Variants in BCAM observed in about 807,000 individuals in gnomAD.
BCAM encodes basal cell adhesion molecule (Lutheran blood group), also known as basal cell adhesion molecule.
A neutral mutation model predicts 72.4 loss-of-function variants in BCAM; 61 were observed. That is an observed-to-expected ratio of 0.84 (90% CI 0.69 to 1.04). BCAM has a LOEUF of 1.04. BCAM is among the 50% of genes least tolerant of loss of function. BCAM has a pLI of 0.00. For synonymous variants in BCAM, 408 were observed against 384.2 expected (o/e 1.06, Z -0.73); for missense variants, 909 against 895.0 (o/e 1.02, Z -0.20).
In BCAM at chr19:44,809,168, G is replaced by C; in HGVS notation, c.44G>C (p.Arg15Pro). Residue 15 changes from arginine to proline, a missense_variant, in exon 1 of 15, where the codon CGG becomes CCG. Transcript: ENST00000270233. ...CCGGCCCAGGCGCGCGGGGCCCCGCGGCTGCTGTTGCTCGCAGTCCTGCTG... is the reference window on the plus strand; with the variant it reads ...CCGGCCCAGGCGCGCGGGGCCCCGCCGCTGCTGTTGCTCGCAGTCCTGCTG... Reference protein sequence around the residue: ...DAPAQARGAPRLLLLAVLLAA... With the variant: ...DAPAQARGAPPLLLLAVLLAA... 6.8e-7 allele frequency: 1 copy of C among 1,473,230 alleles called. No individual in the cohort carries two copies. The allele number at this position is 1,473,230 out of a possible 1,614,324, so 91.3% of individuals were successfully genotyped here.
At chr19:44,817,902 G>A (rs1489518372) in intron 8 of BCAM, among the ~76,000 whole-genome samples, 3 of 152,210 alleles carry the variant, frequency 2.0e-5, no homozygotes, top group Non-Finnish European at 4.4e-5. Flanking sequence ...TGGACAAGAG[G>A]GAGGAGCAGG....
At chr19:44,820,225 A>G (rs929535562) in intron 13 of BCAM, 7 of 997,024 alleles carry the variant, frequency 7.0e-6, no homozygotes, top group Non-Finnish European at 8.3e-6. Flanking sequence ...CTTAACTCCA[A>G]TTTATCCTCC....
intron 8 of BCAM, among the ~76,000 whole-genome samples, chr19:44,815,158 C>T (rs767384247): frequency 1.3e-5 from 2 of 152,016 alleles, no homozygotes; most frequent in Non-Finnish European, 2.9e-5. Flanking sequence ...GTCCACCTGG[C>T]CAGTTCCACC....
In BCAM at chr19:44,820,814, G is replaced by A. The variant is rs139845447; in HGVS notation, c.1873G>A (p.Gly625Arg). The part of the protein sequence containing the change: ...GGARGGSGGF[G>R]DEC ...AGCCAGGGGTGGCAGCGGGGGCTTC[G>A]GAGACGAGGTGGGTGAGGGCCTGGG... is the stretch of plus-strand genomic sequence containing the variant. The change falls in exon 14 of 15, where the codon GGA becomes AGA. Residue 625 changes from glycine (G) to arginine (R), a missense_variant. Transcript: ENST00000270233. 96 of 1,512,828 alleles carry A rather than the reference G, an allele frequency of 6.3e-5. No homozygotes were observed. In the African/African-American group the frequency reaches 6.5e-4, roughly 10 times the overall value. The allele number at this position is 1,512,828 out of a possible 1,614,324, so 93.7% of individuals were successfully genotyped here. A position where few individuals can be genotyped will look rare whatever the true frequency, so the allele number is the denominator to read the frequency against.
Position 44,813,112 on chromosome 19 carries a change from A to G in BCAM, c.505-138A>G, listed in dbSNP as rs1968448827. 4.3e-6 allele frequency: 4 copies of G among 920,018 alleles called. No homozygotes were observed. Among genetic ancestry groups the G allele is most frequent in the Non-Finnish European group, 6.5e-6 (4 of 614,790 alleles). 57.0% of individuals were successfully genotyped at this position (920,018 alleles called of 1,614,324 possible). ...CTTTAGTCTGAGTCGGGGACTAGGA[A>G]TTTGGACTCCTGGGTCCTGGGAGAG... On this transcript the variant is annotated intron_variant, in intron 4 of 14. Coordinates refer to ENST00000270233, the MANE Select transcript of BCAM (RefSeq NM_005581.5). The surrounding 1 kb of genome is among the most constrained non-coding windows in gnomAD (Gnocchi z 4.2).
In BCAM at chr19:44,812,348, G is replaced by T. The variant is rs1431115467; in HGVS notation, c.390G>T (p.Gly130=). 1 of 1,613,704 alleles carries T rather than the reference G, an allele frequency of 6.2e-7. No homozygotes were observed. Among genetic ancestry groups the T allele is most frequent in the Non-Finnish European group, 8.5e-7 (1 of 1,179,750 alleles). The change falls in exon 3 of 15, where the codon GGG becomes GGT. Residue 130 remains glycine (G), a synonymous_variant. Transcript: ENST00000270233. This position sits in a 1 kb window ranked among gnomAD's most constrained non-coding sequence, Gnocchi z 5.3. Reference sequence around the variant, plus strand: ...ACTACGTGTGCGTGGTGAGGGCAGGGGCGGCAGGCACTGCTGAGGCCACTG... The same window carrying T: ...ACTACGTGTGCGTGGTGAGGGCAGGTGCGGCAGGCACTGCTGAGGCCACTG... ...ERDYVCVVRA[G]AAGTAEATAR...
At position 44,814,427 on chromosome 19, in the gene BCAM, A is replaced by G; in HGVS notation, c.921+139A>G. On this transcript the variant is annotated intron_variant, in intron 7 of 14. Coordinates refer to ENST00000270233, the MANE Select transcript of BCAM (RefSeq NM_005581.5). This position sits in a 1 kb window ranked among gnomAD's most constrained non-coding sequence, Gnocchi z 4.6. ...CACCTGATCTGGTGGCCCACGAACT[A>G]AAAGGACCTCTGACCCCTGATTTGA... 1 of 1,423,938 alleles carries G rather than the reference A, an allele frequency of 7.0e-7. No homozygotes were observed. Among genetic ancestry groups the G allele is most frequent in the Non-Finnish European group, 9.3e-7 (1 of 1,069,686 alleles). The allele number at this position is 1,423,938 out of a possible 1,614,324, so 88.2% of individuals were successfully genotyped here.
In BCAM at chr19:44,819,209, T is replaced by C. The variant is rs983888151; in HGVS notation, c.1473+17T>C. 8 of 1,613,636 alleles carry C rather than the reference T, an allele frequency of 5.0e-6. No homozygotes were observed. Among genetic ancestry groups the C allele is most frequent in the Non-Finnish European group, 5.9e-6 (7 of 1,179,774 alleles). On this transcript the variant is annotated intron_variant, in intron 11 of 14. Coordinates refer to ENST00000270233, the MANE Select transcript of BCAM (RefSeq NM_005581.5). The stretch of plus-strand genomic sequence containing the variant: ...GGGGGCAGCGTAAGGGACCTTCCTC[T>C]CCACCCTGAGCCCCCTCTCACTCAT...
chr19:44,809,518 C>T (rs1313723982), intron 1 of BCAM, among the ~76,000 whole-genome samples: 1 of 152,136 alleles, frequency 6.6e-6, no homozygotes, highest in East Asian at 1.9e-4. Flanking sequence ...CCCCCAGCCC[C>T]TCTTTCCTCA....
rs1166803498 is a variant in BCAM, at chr19:44,811,324, A to T, written c.182A>T (p.His61Leu). The T allele has an allele frequency of 6.2e-7, 1 of 1,612,992 alleles. No individual in the cohort carries two copies. The highest frequency in any genetic ancestry group is 2.2e-5 in the East Asian group (1 of 44,814). Residue 61 changes from histidine (H) to leucine (L), a missense_variant, in exon 2 of 15, where the codon CAT (histidine) becomes CTT (leucine). Transcript: ENST00000270233. ...TGCACCCCTACGGGAACCCACGACC[A>T]TTATATGCTGGAATGGTTCCTTGTG... ...LDCTPTGTHD[H>L]YMLEWFLTDR...
At position 44,820,999 on chromosome 19, in the gene BCAM, G is replaced by T. The variant is rs981453172; in HGVS notation, c.*78G>T. 2.8e-6 allele frequency: 4 copies of T among 1,431,806 alleles called. No homozygotes were observed. Among genetic ancestry groups the T allele is most frequent in the Non-Finnish European group, 3.7e-6 (4 of 1,085,566 alleles). The allele number at this position is 1,431,806 out of a possible 1,614,324, so 88.7% of individuals were successfully genotyped here. ...AACCAGCCCTGCTCACGCCATGCCC[G>T]CCCCCGCCTTCCCTCTTCCCTCTTC... On this transcript the variant is annotated 3_prime_UTR_variant, in exon 15 of 15. Coordinates refer to ENST00000270233, the MANE Select transcript of BCAM (RefSeq NM_005581.5).
chr19:44,819,928 C>A (rs2122570390), intron 13 of BCAM: 1 of 302,128 alleles, frequency 3.3e-6, no homozygotes, highest in Non-Finnish European at 4.3e-6. Context: ...CCCAACTCAT[C>A]CTCATCCCCA....
intron 8 of BCAM, among the ~76,000 whole-genome samples, chr19:44,817,455 C>A (rs1308581185): frequency 6.6e-6 from 1 of 151,996 alleles, no homozygotes; most frequent in Non-Finnish European, 1.5e-5. Context: ...TAGGCACCCT[C>A]AAGAAGTTTG....
Position 44,809,107 on chromosome 19 carries a change from TCCG to T in BCAM, c.-8_-6del. 5 of 1,421,128 alleles carry T rather than the reference TCCG, an allele frequency of 3.5e-6. No individual in the cohort carries two copies. The highest frequency in any genetic ancestry group is 1.4e-5 in the South Asian group (1 of 70,892). The allele number at this position is 1,421,128 out of a possible 1,614,324, so 88.0% of individuals were successfully genotyped here. On this transcript the variant is annotated 5_prime_UTR_variant, in exon 1 of 15. Transcript: ENST00000270233. ...GCCGAGCTGCAGCCCGGGCTCAGTCTCCGCCGCCGCCGTGAACATGGAGCCCCC... is the reference window on the plus strand; with the variant it reads ...GCCGAGCTGCAGCCCGGGCTCAGTCTCCGCCGCCGTGAACATGGAGCCCCC...
chr19:44,813,832 C>T lies in BCAM; in HGVS notation c.784+212C>T, dbSNP rs28399612. Among the ~76,000 whole-genome samples, 1 of 152,168 alleles carries T rather than the reference C, an allele frequency of 6.6e-6. No homozygotes were observed. The highest frequency in any genetic ancestry group is 2.4e-5 in the African/African-American group (1 of 41,426). ...TGACCTCCGACCTCCACTTAGCACC[C>T]TGGACCCCATGAAGTTTATGACTAA... On this transcript the variant is annotated intron_variant, in intron 6 of 14. Coordinates refer to ENST00000270233, the MANE Select transcript of BCAM (RefSeq NM_005581.5). This position sits in a 1 kb window ranked among gnomAD's most constrained non-coding sequence, Gnocchi z 4.2.
chr19:44,820,842 C>G lies in BCAM; in HGVS notation c.1881+20C>G. 1 of 1,524,986 alleles carries G rather than the reference C, an allele frequency of 6.6e-7. No homozygotes were observed. The highest frequency in any genetic ancestry group is 8.8e-7 in the Non-Finnish European group (1 of 1,136,444). The allele number at this position is 1,524,986 out of a possible 1,614,324, so 94.5% of individuals were successfully genotyped here. A position where few individuals can be genotyped will look rare whatever the true frequency, so the allele number is the denominator to read the frequency against. On this transcript the variant is annotated intron_variant, in intron 14 of 14. Transcript: ENST00000270233. ...GACGAGGTGGGTGAGGGCCTGGGCC[C>G]CCTGGTGAGAGGGACCTGCTGGGCA...
rs1301411119 is a variant in BCAM at position 44,812,965 on chromosome 19, AAG to A, written c.505-283_505-282del. The A allele has an allele frequency of 0.014, 5,408 of 378,042 alleles. 79 individuals are homozygous for A. Among genetic ancestry groups the A allele is most frequent in the African/African-American group, 0.067 (2,496 of 37,058 alleles). 23.4% of individuals were successfully genotyped at this position (378,042 alleles called of 1,614,324 possible). On this transcript the variant is annotated intron_variant, in intron 4 of 14. Coordinates refer to ENST00000270233, the MANE Select transcript of BCAM (RefSeq NM_005581.5). The surrounding 1 kb of genome is among the most constrained non-coding windows in gnomAD (Gnocchi z 5.3). The stretch of plus-strand genomic sequence containing the variant: ...ACTCCGTCTCAAAAAAAAAAAAAAA[AAG>A]AAGAAGAAAAGAAAAAAGAAAGGAA...
rs75766073 is a variant in BCAM, at chr19:44,812,965, A to G, written c.505-285A>G. ...ACTCCGTCTCAAAAAAAAAAAAAAA[A>G]AGAAGAAGAAAAGAAAAAAGAAAGG... is the stretch of plus-strand genomic sequence containing the variant. On this transcript the variant is annotated intron_variant, in intron 4 of 14. Coordinates refer to ENST00000270233, the MANE Select transcript of BCAM (RefSeq NM_005581.5). The surrounding 1 kb of genome is among the most constrained non-coding windows in gnomAD (Gnocchi z 5.3). The G allele has an allele frequency of 2.6e-6, 1 of 378,268 alleles. No homozygotes were observed. The highest frequency in any genetic ancestry group is 4.8e-5 in the East Asian group (1 of 20,928). 23.4% of individuals were successfully genotyped at this position (378,268 alleles called of 1,614,324 possible). A position where few individuals can be genotyped will look rare whatever the true frequency, so the allele number is the denominator to read the frequency against.
intron 13 of BCAM, chr19:44,820,246 C>T: frequency 1.0e-6 from 1 of 1,004,934 alleles, no homozygotes; most frequent in Non-Finnish European, 1.2e-6. Flanking sequence ...AAGCCTATCT[C>T]TCACCATCCA....
Sources: gnomAD v4.1 joint callset for allele counts (sites outside exome capture counted in the v4.1 genomes callset) on GRCh38, gnomAD v4.1.1 for gene constraint, Gnocchi (gnomAD v3.1) non-coding constraint, MANE v1.5 for transcripts, NCBI Gene and HGNC (gene_info 2026-07-23, HGNC 2026-07-21) for gene names.